Variants in OTC observed in about 807,000 individuals in gnomAD.
OTC encodes ornithine transcarbamylase, mitochondrial.
A neutral mutation model predicts 30.3 loss-of-function variants in OTC; 3 were observed. That is an observed-to-expected ratio of 0.10 (90% CI 0.05 to 0.26). The LOEUF (loss-of-function observed/expected upper bound fraction) is 0.26, where lower values mean the gene tolerates loss of function less well. Ranked by LOEUF, OTC falls within the 10% of genes least tolerant of loss-of-function variation. The pLI is 1.00. For synonymous variants in OTC, 111 were observed against 99.7 expected (o/e 1.11, Z -0.67); for missense variants, 194 against 260.3 (o/e 0.75, Z 1.75).
At chrX:38,391,119 T>G (rs1906258256) in intron 4 of OTC, among the ~76,000 whole-genome samples, 1 of 110,607 alleles carries the variant, frequency 9.0e-6, no homozygotes, top group Admixed American at 9.7e-5. Flanking sequence ...AATCATCCCA[T>G]CATTCTCAGC....
chrX:38,349,440 A>C (rs1388745595), upstream of OTC, among the ~76,000 whole-genome samples: 1 of 112,764 alleles, frequency 8.9e-6, no homozygotes, highest in African/African-American at 3.2e-5. Flanking sequence ...CTCTGTCCTC[A>C]TGAATAGATT....
At chrX:38,388,381 G>A (rs1438250858) in intron 4 of OTC, among the ~76,000 whole-genome samples, 1 of 110,799 alleles carries the variant, frequency 9.0e-6, no homozygotes, top group African/African-American at 3.3e-5. Context: ...CAGATGTGAG[G>A]GTATTTTCAG....
intron 3 of OTC, among the ~76,000 whole-genome samples, chrX:38,373,306 C>T (rs746109295): frequency 2.7e-5 from 3 of 112,108 alleles, no homozygotes; most frequent in South Asian, 3.7e-4. Flanking sequence ...ATTCAGCATG[C>T]GCTCTTTTGT....
At chrX:38,389,757 A>G (rs932148994) in intron 4 of OTC, among the ~76,000 whole-genome samples, 8 of 112,060 alleles carry the variant, frequency 7.1e-5, no homozygotes, top group African/African-American at 2.6e-4. Flanking sequence ...GGTTCAATTC[A>G]GAGCTCTACC....
intron 4 of OTC, among the ~76,000 whole-genome samples, chrX:38,399,657 GA>G (rs755529755): frequency 9.0e-6 from 1 of 110,832 alleles, no homozygotes; most frequent in African/African-American, 3.3e-5. Flanking sequence ...TAAGGTGAGA[GA>G]ATCGATTGTA....
At chrX:38,375,474 A>T (rs917577887) in intron 3 of OTC, among the ~76,000 whole-genome samples, 14 of 111,914 alleles carry the variant, frequency 1.3e-4, no homozygotes, top group African/African-American at 3.6e-4. Flanking sequence ...GCTATCAATT[A>T]TAGAAGCTGG....
the OTC span, among the ~76,000 whole-genome samples, chrX:38,346,865 G>T: frequency 8.9e-6 from 1 of 112,316 alleles, no homozygotes. Context: ...TATTCTGATT[G>T]TGGTGGTGGT....
At chrX:38,369,985 GA>G (rs1198320145) in intron 3 of OTC, 108 bp downstream of exon 3, 5 of 511,499 alleles carry the variant, frequency 9.8e-6, no homozygotes, top group Non-Finnish European at 1.4e-5. Flanking sequence ...CAACCACAAA[GA>G]AAAAATCATT....
At chrX:38,340,451 G>GTT in the OTC span, among the ~76,000 whole-genome samples, 6 of 36,972 alleles carry the variant, frequency 1.6e-4, no homozygotes, top group Admixed American at 2.8e-4. Context: ...TCCCTTCATT[G>GTT]TTTTTTTGTT....
rs371368820 is a variant in OTC at position 38,408,808 on chromosome X, C to A, written c.717+13C>A. On this transcript the variant is annotated intron_variant, in intron 7 of 9. Transcript: ENST00000039007. Reference sequence around the variant, plus strand: ...GTATGCCAAAGAGGTATGCTCTTTACATGTAAAGCTATTATTGCCTTTTAC... The same window carrying A: ...GTATGCCAAAGAGGTATGCTCTTTAAATGTAAAGCTATTATTGCCTTTTAC... The A allele has an allele frequency of 2.5e-6, 3 of 1,203,494 alleles. No individual in the cohort carries two copies. The highest frequency in any genetic ancestry group is 3.4e-6 in the Non-Finnish European group (3 of 889,321).
intron 4 of OTC, among the ~76,000 whole-genome samples, chrX:38,382,596 G>C (rs979091232): frequency 8.9e-6 from 1 of 112,358 alleles, no homozygotes; most frequent in Non-Finnish European, 1.9e-5. Context: ...AGGGACAAAA[G>C]GAATCAAGGA....
intron 4 of OTC, among the ~76,000 whole-genome samples, chrX:38,383,980 A>G (rs2068389671): frequency 1.8e-5 from 2 of 111,947 alleles, no homozygotes; most frequent in Non-Finnish European, 3.8e-5. Flanking sequence ...ACCAAGCACA[A>G]TCAATGAAGG....
At chrX:38,369,950 A>G in intron 3 of OTC, 73 bp downstream of exon 3, 1 of 692,445 alleles carries the variant, frequency 1.4e-6, no homozygotes. Context: ...GGGGTAACCC[A>G]GTGCGGGGAT....
chrX:38,415,253 AT>A (rs1241569367), intron 9 of OTC, among the ~76,000 whole-genome samples: 1 of 107,357 alleles, frequency 9.3e-6, no homozygotes, highest in Non-Finnish European at 1.9e-5. Flanking sequence ...TAATTTTTGT[AT>A]TTTTAGTAGA....
chrX:38,402,308 A>T (rs776473782), intron 5 of OTC, among the ~76,000 whole-genome samples: 53 of 112,005 alleles, frequency 4.7e-4, no homozygotes, highest in Admixed American at 1.2e-3. Flanking sequence ...TCATTACTAG[A>T]TTATAAATTC....
intron 4 of OTC, among the ~76,000 whole-genome samples, chrX:38,394,014 C>T (rs1221847284): frequency 9.0e-6 from 1 of 111,552 alleles, no homozygotes. Context: ...TATATTGGGC[C>T]CACCCAGGGT....
chrX:38,331,431 G>T, the OTC span, among the ~76,000 whole-genome samples: 63 of 73,370 alleles, frequency 8.6e-4, no homozygotes, highest in South Asian at 1.6e-3. Flanking sequence ...TTTTTTTTTT[G>T]TTTTTTTTTT....
At chrX:38,404,411 G>T (rs187172927) in intron 6 of OTC, among the ~76,000 whole-genome samples, 83 of 111,870 alleles carry the variant, frequency 7.4e-4, no homozygotes, top group East Asian at 6.2e-3. Context: ...GGAGGTTTGA[G>T]GATAGAGGTA....
At chrX:38,389,171 T>G (rs2068419065) in intron 4 of OTC, among the ~76,000 whole-genome samples, 1 of 111,938 alleles carries the variant, frequency 8.9e-6, no homozygotes, top group African/African-American at 3.3e-5. Context: ...TAATTACATC[T>G]GCAAATATCC....
Sources: allele counts gnomAD v4.1 joint callset (sites outside exome capture counted in the v4.1 genomes callset), GRCh38; gene constraint gnomAD v4.1.1; transcripts MANE v1.5; gene names NCBI Gene and HGNC (gene_info 2026-07-23, HGNC 2026-07-21).